CTDP1: variants seen among roughly 807,000 people sequenced by gnomAD.
The protein encoded by CTDP1 is RNA polymerase II subunit A C-terminal domain phosphatase.
CTDP1 carries 47 observed loss-of-function variants against 91.8 expected under a neutral mutation model. That is an observed-to-expected ratio of 0.51 (90% CI 0.41 to 0.65). The LOEUF is 0.65. CTDP1 is among the 30% of genes least tolerant of loss of function. CTDP1 has a pLI of 0.00. For synonymous variants in CTDP1, 656 were observed against 598.5 expected, an observed-to-expected ratio of 1.10 and a Z score of -1.40; for missense variants, 1,272 against 1,373.7, an observed-to-expected ratio of 0.93 and a Z score of 1.17.
At position 79,715,407 on chromosome 18, in the gene CTDP1, C is replaced by T; in HGVS notation, c.1947C>T (p.Phe649=). 6.2e-7 allele frequency: 1 copy of T among 1,603,610 alleles called. No individual in the cohort carries two copies. The highest frequency in any genetic ancestry group is 8.5e-7 in the Non-Finnish European group (1 of 1,175,008). Residue 649 remains phenylalanine, a synonymous_variant, in exon 8 of 13, where the codon TTC becomes TTT. Transcript: ENST00000613122. ...TCAGTGGGCTACACCCGACAAACTTCCCGATAGAGAAGACGCGGGAGCATT... is the reference window on the plus strand; with the variant it reads ...TCAGTGGGCTACACCCGACAAACTTTCCGATAGAGAAGACGCGGGAGCATT... ...IIFSGLHPTN[F]PIEKTREHYH... is the part of the protein sequence containing the mutation.
intron 5 of CTDP1, among the ~76,000 whole-genome samples, chr18:79,707,598 G>A (rs1402156578): frequency 2.0e-5 from 3 of 152,360 alleles, no homozygotes; most frequent in South Asian, 2.1e-4. Context: ...AAAACCAGAC[G>A]AAGACATCAC....
chr18:79,728,282 T>A (rs1192299678), intron 10 of CTDP1, among the ~76,000 whole-genome samples: 2 of 152,074 alleles, frequency 1.3e-5, no homozygotes, highest in Non-Finnish European at 2.9e-5. Context: ...GTATTTTTAG[T>A]AGAGATGGGG....
intron 12 of CTDP1, 149 bp downstream of exon 12, chr18:79,736,670 G>C: frequency 1.3e-6 from 1 of 786,230 alleles, no homozygotes; most frequent in Non-Finnish European, 2.0e-6. Flanking sequence ...GCAGCCCCTG[G>C]TGATGGCCAC....
intron 3 of CTDP1, among the ~76,000 whole-genome samples, chr18:79,697,279 G>A (rs1346161941): frequency 6.6e-6 from 1 of 152,240 alleles, no homozygotes; most frequent in African/African-American, 2.4e-5. Flanking sequence ...GAGAAAGGCA[G>A]CGTGGTGCGT....
Position 79,704,917 on chromosome 18 carries a change from G to T in CTDP1, c.772G>T (p.Gly258Cys). The T allele has an allele frequency of 6.2e-7, 1 of 1,613,028 alleles. No homozygotes were observed. Residue 258 changes from glycine to cysteine, a missense_variant and splice_region_variant, in exon 5 of 13, where the codon GGC (glycine) becomes TGC (cysteine). Coordinates refer to ENST00000613122, the MANE Select transcript of CTDP1 (RefSeq NM_004715.5). ...CCGGCTGTACGCACACACCATCGCA[G>T]GTCAGTCAAGCCGCAGCCGAAGAGG... The part of the protein sequence containing the change: ...GSRLYAHTIA[G>C]FLDPEKKLFS...
upstream of CTDP1, chr18:79,679,743 T>G: frequency 5.9e-6 from 3 of 506,058 alleles, no homozygotes; most frequent in Non-Finnish European, 7.2e-6. Context: ...GGCGCTCGTA[T>G]TTACACGCGC....
chr18:79,746,409 C>T (rs984484493), intron 12 of CTDP1, among the ~76,000 whole-genome samples: 2 of 152,246 alleles, frequency 1.3e-5, no homozygotes, highest in Non-Finnish European at 2.9e-5. Flanking sequence ...TGTTCTGACT[C>T]TGCGGTCTCT....
chr18:79,689,341 C>T (rs1306999035), intron 1 of CTDP1, among the ~76,000 whole-genome samples: 1 of 152,144 alleles, frequency 6.6e-6, no homozygotes, highest in Non-Finnish European at 1.5e-5. Context: ...TACTTTGTTA[C>T]CACATAAATA....
intron 6 of CTDP1, among the ~76,000 whole-genome samples, chr18:79,711,884 C>T (rs1599245583): frequency 7.7e-6 from 1 of 129,212 alleles, no homozygotes; most frequent in Non-Finnish European, 1.7e-5. Context: ...CATTTCCACC[C>T]GGAAGTCCGT....
chr18:79,709,262 CAA>C (rs908665606), intron 5 of CTDP1, among the ~76,000 whole-genome samples: 13 of 152,314 alleles, frequency 8.5e-5, no homozygotes, highest in African/African-American at 3.1e-4. Flanking sequence ...TGTAAACTAA[CAA>C]GAGATAACTT....
At chr18:79,705,569 C>T (rs982198957) in intron 5 of CTDP1, among the ~76,000 whole-genome samples, 3 of 151,338 alleles carry the variant, frequency 2.0e-5, no homozygotes, top group Non-Finnish European at 2.9e-5. Flanking sequence ...CCCACGTGGA[C>T]GAAGCAAGGG....
intron 9 of CTDP1, 38 bp downstream of exon 9, chr18:79,717,714 G>A (rs755196075): frequency 1.1e-5 from 18 of 1,613,818 alleles, no homozygotes; most frequent in African/African-American, 6.7e-5. Context: ...CGTGCCAGGC[G>A]TTCCCTTGCT....
intron 1 of CTDP1, among the ~76,000 whole-genome samples, chr18:79,689,960 C>T (rs375895913): frequency 4.6e-5 from 7 of 152,162 alleles, no homozygotes; most frequent in African/African-American, 1.4e-4. Context: ...GTCTGCATAA[C>T]GGATTCTAGG....
intron 1 of CTDP1, among the ~76,000 whole-genome samples, chr18:79,686,349 T>C (rs1599188460): frequency 6.6e-6 from 1 of 152,292 alleles, no homozygotes; most frequent in African/African-American, 2.4e-5. Context: ...AGTGCACAAA[T>C]ACAAAACGGA....
At chr18:79,732,534 CA>C (rs1487199823) in intron 11 of CTDP1, among the ~76,000 whole-genome samples, 7 of 126,878 alleles carry the variant, frequency 5.5e-5, no homozygotes, top group African/African-American at 2.2e-4. Context: ...TGAGAACTCA[CA>C]TCAGGAGTGC....
At chr18:79,701,614 A>G (rs1468365682) in intron 4 of CTDP1, among the ~76,000 whole-genome samples, 1 of 152,218 alleles carries the variant, frequency 6.6e-6, no homozygotes, top group Non-Finnish European at 1.5e-5. Context: ...TTAGAGAGCA[A>G]TTCTGATGAA....
At chr18:79,689,493 A>G (rs189918181) in intron 1 of CTDP1, among the ~76,000 whole-genome samples, 34 of 148,610 alleles carry the variant, frequency 2.3e-4, no homozygotes, top group African/African-American at 7.0e-4. Context: ...TTCTGCCGTA[A>G]GAACAAATAA....
intron 10 of CTDP1, among the ~76,000 whole-genome samples, chr18:79,726,230 C>T (rs986693122): frequency 1.3e-5 from 2 of 152,174 alleles, no homozygotes; most frequent in East Asian, 1.9e-4. Context: ...GTTAGATTTT[C>T]GGGTTCACAG....
In CTDP1 at chr18:79,697,958, C is replaced by T. The variant is rs762372815; in HGVS notation, c.591C>T (p.Thr197=). Residue 197 remains threonine (T), a synonymous_variant, in exon 4 of 13, where the codon ACC becomes ACT. Transcript: ENST00000613122. ...TGGACCAGACGTTGATTCACACAACCGAGCAGCACTGTCAGCAGATGTCGA... is the reference window on the plus strand; with the variant it reads ...TGGACCAGACGTTGATTCACACAACTGAGCAGCACTGTCAGCAGATGTCGA... ...VDLDQTLIHT[T]EQHCQQMSNK... 73 of 1,614,180 alleles carry T rather than the reference C, an allele frequency of 4.5e-5. No homozygotes were observed. The highest frequency in any genetic ancestry group is 8.9e-5 in the East Asian group (4 of 44,884).
Sources: gnomAD v4.1 joint callset for allele counts (sites outside exome capture counted in the v4.1 genomes callset) on GRCh38, gnomAD v4.1.1 for gene constraint, MANE v1.5 for transcripts, NCBI Gene and HGNC (gene_info 2026-07-23, HGNC 2026-07-21) for gene names.